Variants in ARHGEF38 observed in about 807,000 individuals in gnomAD.
ARHGEF38 encodes the protein Rho guanine nucleotide exchange factor (GEF) 38.
Under a neutral mutation model 79.9 loss-of-function variants are expected in ARHGEF38, and 79 were observed. The ratio of observed to expected loss-of-function variants is 0.99; its 90% CI spans 0.82 to 1.19. The LOEUF is 1.19. Ranked by LOEUF, ARHGEF38 falls within the 50% of genes most tolerant of loss-of-function variation. ARHGEF38 has a pLI of 0.00. For synonymous variants in ARHGEF38, 366 were observed against 328.3 expected, an observed-to-expected ratio of 1.11 and a Z score of -1.24; for missense variants, 962 against 907.2, an observed-to-expected ratio of 1.06 and a Z score of -0.78.
intron 2 of ARHGEF38, among the ~76,000 whole-genome samples, chr4:105,605,282 T>A (rs1013989289): frequency 1.3e-5 from 2 of 152,168 alleles, no homozygotes; most frequent in East Asian, 1.9e-4. Flanking sequence ...GACTTTTTTT[T>A]AATTTTAATT....
chr4:105,620,962 G>A (rs867793930), intron 3 of ARHGEF38, among the ~76,000 whole-genome samples: 21 of 152,192 alleles, frequency 1.4e-4, no homozygotes, highest in Admixed American at 3.9e-4. Context: ...TTGGAAGCCT[G>A]CCATTTAAAA....
chr4:105,682,221 C>G (rs375844746), downstream of ARHGEF38, among the ~76,000 whole-genome samples: 1 of 151,966 alleles, frequency 6.6e-6, no homozygotes, highest in Non-Finnish European at 1.5e-5. Context: ...TTAGGAAAAT[C>G]CATTGATATG....
intron 3 of ARHGEF38, 112 bp downstream of exon 3, chr4:105,613,619 T>A: frequency 1.7e-6 from 2 of 1,211,904 alleles, no homozygotes; most frequent in South Asian, 3.1e-5. Context: ...AGGAGATATA[T>A]AAATGCTAAA....
intron 7 of ARHGEF38, 144 bp downstream of exon 7, chr4:105,648,826 CTCTCTCTCTCTCTCTCTCTCTT>C (rs920217933): frequency 2.6e-5 from 16 of 619,972 alleles, no homozygotes; most frequent in African/African-American, 2.3e-4. Flanking sequence ...CTCCCTCTCT[CTCTCTCTCTCTCTCTCTCTCTT>C]TCTCTCTCTC....
intron 1 of ARHGEF38, among the ~76,000 whole-genome samples, chr4:105,570,549 C>T (rs1466778636): frequency 1.3e-5 from 2 of 152,088 alleles, no homozygotes; most frequent in African/African-American, 2.4e-5. Flanking sequence ...CTTCTCATGG[C>T]AACATGAGAA....
At chr4:105,561,540 GAA>G (rs539635957) in intron 1 of ARHGEF38, 1 of 150,844 alleles carries the variant, frequency 6.6e-6, no homozygotes, top group African/African-American at 2.4e-5. Flanking sequence ...GAATAGAATA[GAA>G]AAGTTTCTTT....
Position 105,644,001 on chromosome 4 carries a change from A to G in ARHGEF38, c.675-1187A>G, listed in dbSNP as rs555643331. Among the ~76,000 whole-genome samples, 3 of 149,710 alleles carry G rather than the reference A, an allele frequency of 2.0e-5. No homozygotes were observed. In the East Asian group the frequency reaches 6.0e-4, roughly 30 times the overall value. On this transcript the variant is annotated intron_variant, in intron 5 of 13. Transcript: ENST00000420470. ...CCCACCTCAGCCTCCCAAGTATCTGAGACTACAGGTGCCTGCCACCATGCC... is the reference window on the plus strand; with the variant it reads ...CCCACCTCAGCCTCCCAAGTATCTGGGACTACAGGTGCCTGCCACCATGCC...
rs1264850687 is a variant in ARHGEF38, at chr4:105,654,164, A to G, written c.1108A>G (p.Ile370Val). ...GAACATTTCACTCTGTCTTCAACACATACAGGTAGGTGAGACACAACTGTT... is the reference window on the plus strand; with the variant it reads ...GAACATTTCACTCTGTCTTCAACACGTACAGGTAGGTGAGACACAACTGTT... ...VKNISLCLQHIQDAMPLALQS... is the reference protein window; with the variant it reads ...VKNISLCLQHVQDAMPLALQS... The change falls in exon 8 of 14, where the codon ATA becomes GTA. Residue 370 changes from isoleucine to valine, a missense_variant. Coordinates refer to ENST00000420470, the MANE Select transcript of ARHGEF38 (RefSeq NM_001242729.2). 6.8e-7 allele frequency: 1 copy of G among 1,478,340 alleles called. No individual in the cohort carries two copies. Among genetic ancestry groups the G allele is most frequent in the Non-Finnish European group, 9.0e-7 (1 of 1,108,032 alleles). 91.6% of individuals were successfully genotyped at this position (1,478,340 alleles called of 1,614,324 possible). A position where few individuals can be genotyped will look rare whatever the true frequency, so the allele number is the denominator to read the frequency against.
chr4:105,591,342 C>T (rs550017438), intron 2 of ARHGEF38, among the ~76,000 whole-genome samples: 2 of 152,302 alleles, frequency 1.3e-5, no homozygotes, highest in South Asian at 4.1e-4. Context: ...CATTCTCCTG[C>T]CTCAGCCTCC....
chr4:105,636,698 G>T (rs1168491617), intron 5 of ARHGEF38, among the ~76,000 whole-genome samples: 1 of 151,988 alleles, frequency 6.6e-6, no homozygotes, highest in South Asian at 2.1e-4. Flanking sequence ...TCATACATAT[G>T]TTTGGGAATC....
At chr4:105,608,770 G>T (rs562236996) in intron 2 of ARHGEF38, among the ~76,000 whole-genome samples, 4 of 151,790 alleles carry the variant, frequency 2.6e-5, no homozygotes, top group African/African-American at 7.3e-5. Context: ...GTAGGTAAAC[G>T]TGTGTCATGG....
At chr4:105,566,122 C>T (rs1330453458) in intron 1 of ARHGEF38, among the ~76,000 whole-genome samples, 4 of 152,160 alleles carry the variant, frequency 2.6e-5, no homozygotes, top group Admixed American at 1.3e-4. Context: ...TAAAAAATTC[C>T]TCATTGTCGA....
In ARHGEF38 at chr4:105,604,099, C is replaced by T. The variant is rs536319920; in HGVS notation, c.385-9285C>T. Among the ~76,000 whole-genome samples, 12 of 152,122 alleles carry T rather than the reference C, an allele frequency of 7.9e-5. No homozygotes were observed. The South Asian group carries it at 1.2e-3, about 16-fold the overall frequency. ...ATCAAACAGCTCCTGGAGTGCCATG[C>T]GGCAGGAGGCAAAGCAGAAAAGAGG... On this transcript the variant is annotated intron_variant, in intron 2 of 13. Transcript: ENST00000420470.
chr4:105,597,686 T>C (rs1340740673), intron 2 of ARHGEF38, among the ~76,000 whole-genome samples: 1 of 152,224 alleles, frequency 6.6e-6, no homozygotes, highest in African/African-American at 2.4e-5. Context: ...ATGCAAACAA[T>C]TGCCTTATGC....
At chr4:105,601,929 T>C (rs1267118543) in intron 2 of ARHGEF38, among the ~76,000 whole-genome samples, 2 of 152,228 alleles carry the variant, frequency 1.3e-5, no homozygotes, top group Non-Finnish European at 2.9e-5. Flanking sequence ...TCTTGTTTAC[T>C]TTTTTCCTTT....
intron 5 of ARHGEF38, among the ~76,000 whole-genome samples, chr4:105,644,051 A>G (rs1729735867): frequency 1.3e-5 from 2 of 151,216 alleles, no homozygotes; most frequent in African/African-American, 2.4e-5. Context: ...ATTTTTTTCT[A>G]GAGACGGGGT....
intron 1 of ARHGEF38, among the ~76,000 whole-genome samples, chr4:105,575,152 G>T (rs1206537294): frequency 6.6e-6 from 1 of 152,028 alleles, no homozygotes; most frequent in East Asian, 1.9e-4. Context: ...TTCATATAAT[G>T]ACTTCTTTCC....
chr4:105,606,224 A>G (rs4326019), intron 2 of ARHGEF38, among the ~76,000 whole-genome samples: 17,789 of 152,148 alleles, frequency 0.12, 1,109 homozygotes, highest in Middle Eastern at 0.2. Context: ...GATTTACTGC[A>G]AAACTACACC....
Position 105,559,387 on chromosome 4 carries a change from A to G in ARHGEF38, c.196+6426A>G, listed in dbSNP as rs139631816. The stretch of plus-strand genomic sequence containing the variant: ...TGCATGCTCTTAGGCCTAAGGCACA[A>G]TTGATGATGGGGGTGTTTCTGGAGC... On this transcript the variant is annotated intron_variant, in intron 1 of 13. Coordinates refer to ENST00000420470, the MANE Select transcript of ARHGEF38 (RefSeq NM_001242729.2). 2.0e-5 allele frequency among the ~76,000 whole-genome samples: 3 copies of G among 152,156 alleles called. No homozygotes were observed. In the East Asian group the frequency reaches 5.8e-4, roughly 29 times the overall value.
Sources: gnomAD v4.1 joint callset for allele counts (sites outside exome capture counted in the v4.1 genomes callset) on GRCh38, gnomAD v4.1.1 for gene constraint, MANE v1.5 for transcripts, NCBI Gene and HGNC (gene_info 2026-07-23, HGNC 2026-07-21) for gene names.